Variants in MEGF10 observed in about 807,000 individuals in gnomAD.
MEGF10 encodes the protein multiple EGF like domains 10.
Under a neutral mutation model 147.5 loss-of-function variants are expected in MEGF10, and 86 were observed. That is an observed-to-expected ratio of 0.58 (90% CI 0.49 to 0.70). The LOEUF (loss-of-function observed/expected upper bound fraction) is 0.70. MEGF10 is among the 30% of genes least tolerant of loss of function. MEGF10 has a pLI of 0.00. For missense variants in MEGF10, 1,329 were observed against 1,487.3 expected (o/e 0.89, Z 1.75); for synonymous variants, 478 against 525.5 (o/e 0.91, Z 1.24).
chr5:127,243,851 C>CAAA, the MEGF10 span, among the ~76,000 whole-genome samples: 1 of 152,014 alleles, frequency 6.6e-6, no homozygotes, highest in African/African-American at 2.4e-5. Context: ...AATCACCAGT[C>CAAA]AAAATCTAGA....
chr5:127,343,063 G>A (rs1049410445), intron 4 of MEGF10, among the ~76,000 whole-genome samples: 1 of 151,980 alleles, frequency 6.6e-6, no homozygotes, highest in Non-Finnish European at 1.5e-5. Flanking sequence ...TGGCACAAGT[G>A]AGGCAAGCTT....
rs143042995 is a variant in MEGF10, at chr5:127,386,841, T to A, written c.413-9691T>A. ...TTTGCTGGGCTGGGACATCCCAATG[T>A]GCAAATCAGGGAATTTCTGCTGTTA... On this transcript the variant is annotated intron_variant, in intron 5 of 24. Coordinates refer to ENST00000503335, the MANE Select transcript of MEGF10 (RefSeq NM_001256545.2). Among the ~76,000 whole-genome samples, 432 of 152,384 alleles carry A rather than the reference T, an allele frequency of 2.8e-3. 3 individuals carry two copies. Among genetic ancestry groups the A allele is most frequent in the Middle Eastern group, 0.014 (4 of 294 alleles).
At chr5:127,312,066 C>G (rs2126741012) in intron 1 of MEGF10, among the ~76,000 whole-genome samples, 1 of 152,262 alleles carries the variant, frequency 6.6e-6, no homozygotes, top group Middle Eastern at 3.4e-3. Flanking sequence ...CCTAACAAAA[C>G]CACAGCTCAG....
intron 9 of MEGF10, 60 bp from the exon 10 acceptor site, chr5:127,417,578 C>A: frequency 6.5e-7 from 1 of 1,534,366 alleles, no homozygotes; most frequent in Non-Finnish European, 9.0e-7. Flanking sequence ...AACATTTGCA[C>A]AGAAGTTGGG....
intron 5 of MEGF10, among the ~76,000 whole-genome samples, chr5:127,385,562 T>G (rs1763396857): frequency 6.6e-6 from 1 of 152,234 alleles, no homozygotes; most frequent in South Asian, 2.1e-4. Flanking sequence ...CATGAGCCAC[T>G]GTGCCGGGCC....
intron 4 of MEGF10, among the ~76,000 whole-genome samples, chr5:127,369,641 A>T (rs1206771307): frequency 6.6e-6 from 1 of 152,212 alleles, no homozygotes; most frequent in Non-Finnish European, 1.5e-5. Flanking sequence ...TGAATTAGGC[A>T]ATTTTCCTTG....
intron 5 of MEGF10, among the ~76,000 whole-genome samples, chr5:127,370,425 A>C (rs959943158): frequency 6.6e-6 from 1 of 152,220 alleles, no homozygotes; most frequent in African/African-American, 2.4e-5. Flanking sequence ...TTAACTCAGA[A>C]GTGAAACTGG....
intron 1 of MEGF10, among the ~76,000 whole-genome samples, chr5:127,292,638 G>A (rs1759311417): frequency 6.6e-6 from 1 of 152,180 alleles, no homozygotes; most frequent in South Asian, 2.1e-4. Flanking sequence ...GGTGTATATG[G>A]CAGAGCTGGA....
At chr5:127,398,630 G>T in intron 6 of MEGF10, 46 bp from the exon 7 acceptor site, 1 of 1,612,028 alleles carries the variant, frequency 6.2e-7, no homozygotes. Context: ...CGAGGGTCAT[G>T]TGTCTGGGAA....
At chr5:127,242,814 GC>G in the MEGF10 span, among the ~76,000 whole-genome samples, 1 of 152,074 alleles carries the variant, frequency 6.6e-6, no homozygotes, top group Non-Finnish European at 1.5e-5. Context: ...GATCTCCGTT[GC>G]CCCCAGATTC....
the MEGF10 span, among the ~76,000 whole-genome samples, chr5:127,284,548 A>G: frequency 1.3e-5 from 2 of 152,140 alleles, no homozygotes; most frequent in African/African-American, 4.8e-5. Context: ...AGTCAGACCC[A>G]GGGTCAGTCC....
chr5:127,235,662 T>G, the MEGF10 span, among the ~76,000 whole-genome samples: 85 of 152,344 alleles, frequency 5.6e-4, no homozygotes, highest in African/African-American at 2.0e-3. Context: ...CCTCAATGGC[T>G]TCCTTGGAGC....
At chr5:127,432,847 C>T (rs765456731) in intron 13 of MEGF10, among the ~76,000 whole-genome samples, 15 of 152,170 alleles carry the variant, frequency 9.9e-5, no homozygotes, top group South Asian at 2.1e-4. Flanking sequence ...TTTGGTGGCA[C>T]GTGTCAGTGC....
At position 127,347,015 on chromosome 5, in the gene MEGF10, C is replaced by T. The variant is rs771348950; in HGVS notation, c.319+6385C>T. Among the ~76,000 whole-genome samples the T allele has an allele frequency of 4.6e-5, 7 of 151,988 alleles. 1 individual carries two copies. The highest frequency in any genetic ancestry group is 4.6e-4 in the Admixed American group (7 of 15,232). ...TTTTGTGTATGGAACAAGATTTTGA[C>T]TGTTTTGCCTATGACAGGAGCTCAG... On this transcript the variant is annotated intron_variant, in intron 4 of 24. Transcript: ENST00000503335.
intron 20 of MEGF10, 134 bp from the exon 21 acceptor site, chr5:127,447,423 C>T (rs746428334): frequency 8.9e-5 from 100 of 1,124,950 alleles, no homozygotes; most frequent in Non-Finnish European, 1.2e-4. Context: ...GTCATCTGCC[C>T]GCCTTGGCCT....
chr5:127,234,233 TC>T, the MEGF10 span, among the ~76,000 whole-genome samples: 1 of 152,196 alleles, frequency 6.6e-6, no homozygotes, highest in Non-Finnish European at 1.5e-5. Context: ...GCACAAAGCA[TC>T]CAGTCACTTG....
chr5:127,439,202 G>C (rs1026313000), intron 17 of MEGF10, among the ~76,000 whole-genome samples: 2 of 152,054 alleles, frequency 1.3e-5, no homozygotes, highest in Admixed American at 1.3e-4. Flanking sequence ...TCTTCCATTA[G>C]GCTTTTAGCA....
intron 5 of MEGF10, among the ~76,000 whole-genome samples, chr5:127,379,064 C>CTTTTTTTTTTTTTT: frequency 8.2e-6 from 1 of 121,474 alleles, no homozygotes; most frequent in Non-Finnish European, 1.8e-5. Flanking sequence ...ATTGATTTTT[C>CTTTTTTTTTTTTTT]TTTTTTTTTT....
chr5:127,294,315 T>A (rs1759398767), intron 1 of MEGF10, among the ~76,000 whole-genome samples: 1 of 152,322 alleles, frequency 6.6e-6, no homozygotes, highest in Admixed American at 6.5e-5. Context: ...TAAGCTCTTA[T>A]ACAAGTGGCT....
Sources: allele counts gnomAD v4.1 joint callset (sites outside exome capture counted in the v4.1 genomes callset), GRCh38; gene constraint gnomAD v4.1.1; transcripts MANE v1.5; gene names NCBI Gene and HGNC (gene_info 2026-07-23, HGNC 2026-07-21).